SGCD: variants seen among roughly 807,000 people sequenced by gnomAD.
SGCD encodes the protein sarcoglycan delta.
In SGCD, 18 loss-of-function variants were observed where a neutral mutation model predicts 36.6. That is an observed-to-expected ratio of 0.49 (90% CI 0.34 to 0.73). The LOEUF (loss-of-function observed/expected upper bound fraction) is 0.73, where lower values mean the gene tolerates loss of function less well. SGCD is among the 30% of genes least tolerant of loss of function. SGCD has a pLI of 0.01. For synonymous variants in SGCD, 133 were observed against 130.6 expected, an observed-to-expected ratio of 1.02 and a Z score of -0.12; for missense variants, 387 against 346.7, an observed-to-expected ratio of 1.12 and a Z score of -0.92.
the SGCD span, among the ~76,000 whole-genome samples, chr5:155,749,932 C>G: frequency 1.3e-5 from 2 of 152,162 alleles, no homozygotes; most frequent in Admixed American, 1.3e-4. Context: ...GATTTTAAAT[C>G]AAGTTTTAAA....
chr5:156,398,006 C>A (rs1364995982), intron 3 of SGCD, among the ~76,000 whole-genome samples: 1 of 152,188 alleles, frequency 6.6e-6, no homozygotes, highest in Non-Finnish European at 1.5e-5. Context: ...TTTTTAACCC[C>A]TTTATACAAG....
chr5:156,164,584 C>G lies in SGCD; in HGVS notation c.-44+40565C>G, dbSNP rs1763169147. The stretch of plus-strand genomic sequence containing the variant: ...AAGAATGACAGACATGGAAATGCCT[C>G]CCATTTATATTCATTTGATATTTGG... On this transcript the variant is annotated intron_variant, in intron 3 of 9. Transcript: ENST00000517913. Among the ~76,000 whole-genome samples, 4 of 152,162 alleles carry G rather than the reference C, an allele frequency of 2.6e-5. No homozygotes were observed. In the South Asian group the frequency reaches 8.3e-4, roughly 32 times the overall value.
chr5:156,696,200 G>A (rs1754312110), intron 7 of SGCD, among the ~76,000 whole-genome samples: 1 of 152,168 alleles, frequency 6.6e-6, no homozygotes, highest in Non-Finnish European at 1.5e-5. Context: ...ATTTGTCATT[G>A]AGACTTAGTT....
At chr5:155,740,262 C>T in the SGCD span, among the ~76,000 whole-genome samples, 2 of 152,058 alleles carry the variant, frequency 1.3e-5, no homozygotes, top group Non-Finnish European at 2.9e-5. Context: ...GCATGCCCTG[C>T]CTATTTTTAG....
intron 1 of SGCD, among the ~76,000 whole-genome samples, chr5:156,031,769 G>T (rs890798982): frequency 6.6e-6 from 1 of 152,032 alleles, no homozygotes; most frequent in Non-Finnish European, 1.5e-5. Context: ...GCTTTATAGT[G>T]GGGGAGAGTT....
chr5:156,172,099 G>A (rs894179730), intron 3 of SGCD, among the ~76,000 whole-genome samples: 22 of 152,030 alleles, frequency 1.4e-4, no homozygotes, highest in Middle Eastern at 3.4e-3. Context: ...CCTGGCCAAC[G>A]TGGTGAAATC....
chr5:155,857,440 A>C, the SGCD span, among the ~76,000 whole-genome samples: 1 of 152,258 alleles, frequency 6.6e-6, no homozygotes, highest in Admixed American at 6.5e-5. Flanking sequence ...ATGAAATGAA[A>C]TACTAAGCAG....
the SGCD span, among the ~76,000 whole-genome samples, chr5:155,818,698 T>C: frequency 6.6e-6 from 1 of 151,990 alleles, no homozygotes. Flanking sequence ...TTTTTAAATA[T>C]TTTGTAGAGA....
the SGCD span, among the ~76,000 whole-genome samples, chr5:155,748,462 C>A: frequency 6.6e-6 from 1 of 152,066 alleles, no homozygotes; most frequent in Non-Finnish European, 1.5e-5. Flanking sequence ...GTATGGTTCT[C>A]AAATTTTAGC....
chr5:156,595,176 G>A (rs1760878265), intron 6 of SGCD, 125 bp downstream of exon 6: 9 of 1,154,590 alleles, frequency 7.8e-6, no homozygotes, highest in Non-Finnish European at 1.1e-5. Flanking sequence ...TAACTCCCAA[G>A]ATAATGGTAT....
chr5:156,640,734 GAATT>G (rs972924093), intron 6 of SGCD, among the ~76,000 whole-genome samples: 1 of 152,156 alleles, frequency 6.6e-6, no homozygotes, highest in Non-Finnish European at 1.5e-5. Context: ...TTTGTTGAAT[GAATT>G]AATTTTATCT....
the SGCD span, among the ~76,000 whole-genome samples, chr5:155,791,835 A>G: frequency 4.6e-5 from 7 of 152,206 alleles, no homozygotes; most frequent in African/African-American, 1.2e-4. Flanking sequence ...CATACTGCCC[A>G]TAGCATTTTA....
chr5:156,227,335 C>T (rs1268443944), intron 3 of SGCD, among the ~76,000 whole-genome samples: 4 of 152,118 alleles, frequency 2.6e-5, no homozygotes, highest in African/African-American at 9.7e-5. Flanking sequence ...CCAATTATCT[C>T]AGCACCGTTT....
chr5:155,911,851 T>C (rs1756636496), intron 1 of SGCD, among the ~76,000 whole-genome samples: 3 of 152,038 alleles, frequency 2.0e-5, no homozygotes, highest in African/African-American at 7.2e-5. Context: ...ATATACCTGG[T>C]CCATTGTACA....
At position 156,695,527 on chromosome 5, in the gene SGCD, A is replaced by AGATAGATAGATG. The variant is rs1561862009; in HGVS notation, c.575+48002_575+48003insGGATAGATAGAT. On this transcript the variant is annotated intron_variant, in intron 7 of 8. Transcript: ENST00000337851. ...TAGATAGATGGATAGATAGATAGAT[A>AGATAGATAGATG]GATAGATAGATAGATAGATAGATAG... Among the ~76,000 whole-genome samples the AGATAGATAGATG allele has an allele frequency of 5.3e-4, 28 of 53,072 alleles. No individual in the cohort carries two copies. In the South Asian group the frequency reaches 5.8e-3, roughly 11 times the overall value. 34.8% of individuals were successfully genotyped at this position (53,072 alleles called of 152,430 possible).
intron 1 of SGCD, among the ~76,000 whole-genome samples, chr5:156,075,354 AG>A (rs1308910299): frequency 6.6e-6 from 1 of 152,188 alleles, no homozygotes; most frequent in African/African-American, 2.4e-5. Flanking sequence ...AGAGTAAAAA[AG>A]AAAAAACTAC....
chr5:156,553,581 A>G lies in SGCD; in HGVS notation c.295-35650A>G, dbSNP rs758601005. On this transcript the variant is annotated intron_variant, in intron 4 of 8. Transcript: ENST00000337851. Reference sequence around the variant, plus strand: ...AATTCCAGAATATTTTCATCATCCCATAAAGAAACCCCATACTCATCAGCA... The same window carrying G: ...AATTCCAGAATATTTTCATCATCCCGTAAAGAAACCCCATACTCATCAGCA... Among the ~76,000 whole-genome samples, 11 of 152,228 alleles carry G rather than the reference A, an allele frequency of 7.2e-5. No homozygotes were observed. The Middle Eastern group carries it at 0.014, about 188-fold the overall frequency.
intron 3 of SGCD, among the ~76,000 whole-genome samples, chr5:156,139,905 G>A (rs750852178): frequency 3.1e-4 from 47 of 152,278 alleles, no homozygotes; most frequent in Middle Eastern, 3.4e-3. Flanking sequence ...GAATGAGATT[G>A]ACACCTTTGT....
the SGCD span, among the ~76,000 whole-genome samples, chr5:155,782,032 T>TA: frequency 6.8e-6 from 1 of 147,504 alleles, no homozygotes; most frequent in South Asian, 2.1e-4. Flanking sequence ...TTTTCTTTTT[T>TA]TTTTTTTTTT....
Sources: gnomAD v4.1 joint callset for allele counts (sites outside exome capture counted in the v4.1 genomes callset) on GRCh38, gnomAD v4.1.1 for gene constraint, MANE v1.5 for transcripts, NCBI Gene and HGNC (gene_info 2026-07-23, HGNC 2026-07-21) for gene names.